DYNC1I1: variants seen among roughly 807,000 people sequenced by gnomAD.
DYNC1I1 encodes the protein cytoplasmic dynein 1 intermediate chain 1.
Under a neutral mutation model 86.6 loss-of-function variants are expected in DYNC1I1, and 43 were observed. That is an observed-to-expected ratio of 0.50 (90% confidence interval 0.39 to 0.64). The LOEUF (loss-of-function observed/expected upper bound fraction) is 0.64, where lower values mean the gene tolerates loss of function less well. DYNC1I1 is among the 30% of genes least tolerant of loss of function. The pLI, the probability that DYNC1I1 is intolerant of heterozygous loss-of-function variation, is 0.00. For synonymous variants in DYNC1I1, 262 were observed against 283.7 expected, an observed-to-expected ratio of 0.92 and a Z score of 0.77; for missense variants, 604 against 788.8, an observed-to-expected ratio of 0.77 and a Z score of 2.81.
chr7:96,106,299 G>A (rs1358665563), intron 16 of DYNC1I1, among the ~76,000 whole-genome samples: 2 of 152,040 alleles, frequency 1.3e-5, no homozygotes, highest in African/African-American at 2.4e-5. Context: ...TTGGGAGGCC[G>A]AGGCAGGTGG....
At chr7:96,031,146 A>T (rs887084301) in intron 11 of DYNC1I1, among the ~76,000 whole-genome samples, 3 of 152,164 alleles carry the variant, frequency 2.0e-5, no homozygotes, top group African/African-American at 7.2e-5. Flanking sequence ...ATTCAATGCT[A>T]CCCAGGTTTC....
In DYNC1I1 at chr7:96,106,441, A is replaced by G. The variant is rs371214894; in HGVS notation, c.1543-3538A>G. ...TCCCAGCTACTCGGGAGGCTTAGGC[A>G]GGAGAATCGCTTCAACTCCAGAGGC... On this transcript the variant is annotated intron_variant, in intron 16 of 16. Transcript: ENST00000537881. 7.9e-5 allele frequency among the ~76,000 whole-genome samples: 12 copies of G among 152,142 alleles called. No individual in the cohort carries two copies. The East Asian group carries it at 1.7e-3, about 22-fold the overall frequency.
chr7:96,032,920 C>T, intron 12 of DYNC1I1, 140 bp downstream of exon 12: 1 of 646,476 alleles, frequency 1.5e-6, no homozygotes, highest in Non-Finnish European at 2.6e-6. Flanking sequence ...GTGGGGCCTG[C>T]TTTCAGCAAT....
intron 5 of DYNC1I1, among the ~76,000 whole-genome samples, chr7:95,841,437 AAAAT>A (rs766749777): frequency 0.11 from 16,277 of 152,132 alleles, 988 homozygotes; most frequent in African/African-American, 0.16. Flanking sequence ...GCATTTTGGT[AAAAT>A]AAGCTGGCAG....
chr7:95,792,145 G>A (rs1794319656), intron 1 of DYNC1I1, among the ~76,000 whole-genome samples: 2 of 152,204 alleles, frequency 1.3e-5, no homozygotes, highest in African/African-American at 4.8e-5. Context: ...TGTCTTAAGA[G>A]CTTTAAGTCT....
At chr7:95,994,258 G>T (rs960990093) in intron 9 of DYNC1I1, among the ~76,000 whole-genome samples, 5 of 152,102 alleles carry the variant, frequency 3.3e-5, no homozygotes, top group Non-Finnish European at 7.3e-5. Flanking sequence ...AATTGACCCT[G>T]GATTCAGAGG....
At chr7:96,006,947 C>T (rs319316) in intron 10 of DYNC1I1, among the ~76,000 whole-genome samples, 1,524 of 152,266 alleles carry the variant, frequency 0.01, 27 homozygotes, top group African/African-American at 0.035. Context: ...GTGATTCAAT[C>T]ATTACACATT....
intron 5 of DYNC1I1, among the ~76,000 whole-genome samples, chr7:95,830,348 T>A (rs1795293670): frequency 6.6e-6 from 1 of 151,704 alleles, no homozygotes; most frequent in Non-Finnish European, 1.5e-5. Context: ...TCATGCCCCT[T>A]TGTTATCTAC....
chr7:95,862,060 A>G (rs1055644535), intron 5 of DYNC1I1, among the ~76,000 whole-genome samples: 13 of 152,194 alleles, frequency 8.5e-5, no homozygotes, highest in African/African-American at 3.1e-4. Flanking sequence ...AAAATAGAAC[A>G]CAGACATAAA....
At chr7:96,046,635 A>G (rs1333990711) in intron 14 of DYNC1I1, among the ~76,000 whole-genome samples, 1 of 152,224 alleles carries the variant, frequency 6.6e-6, no homozygotes, top group East Asian at 1.9e-4. Flanking sequence ...CAAGAAGCCC[A>G]GTTGTAAGTC....
chr7:95,939,099 G>C (rs1792129022), intron 6 of DYNC1I1, among the ~76,000 whole-genome samples: 1 of 152,114 alleles, frequency 6.6e-6, no homozygotes, highest in African/African-American at 2.4e-5. Flanking sequence ...CCATGTAGTT[G>C]AGTGGTTTTG....
rs1302773650 is a variant in DYNC1I1, at chr7:96,097,952, G to A, written c.*359G>A. ...CATAGTCCTATTAAATCCATATGAA[G>A]CCAGATATGATTGGGTGCAGATGTG... On this transcript the variant is annotated 3_prime_UTR_variant, in exon 17 of 17. Transcript: ENST00000447467. The A allele has an allele frequency of 2.0e-6, 2 of 1,014,704 alleles. No homozygotes were observed. The highest frequency in any genetic ancestry group is 5.3e-5 in the Admixed American group (1 of 18,716). 62.9% of individuals were successfully genotyped at this position (1,014,704 alleles called of 1,614,324 possible).
At chr7:95,905,607 T>C (rs950117718) in intron 6 of DYNC1I1, among the ~76,000 whole-genome samples, 2 of 152,132 alleles carry the variant, frequency 1.3e-5, no homozygotes, top group Admixed American at 1.3e-4. Flanking sequence ...GGGTTTATCC[T>C]CCATTTTATT....
At chr7:95,988,945 T>A (rs952160285) in intron 9 of DYNC1I1, among the ~76,000 whole-genome samples, 12 of 152,094 alleles carry the variant, frequency 7.9e-5, no homozygotes, top group African/African-American at 2.9e-4. Flanking sequence ...TAGGGTATGG[T>A]ATAGTGGGGA....
intron 6 of DYNC1I1, among the ~76,000 whole-genome samples, chr7:95,957,569 T>C (rs1792750231): frequency 6.6e-6 from 1 of 152,130 alleles, no homozygotes; most frequent in South Asian, 2.1e-4. Context: ...CTCCCATCCA[T>C]CAGAAGAAGG....
chr7:96,099,961 CATAAG>C (rs1469080123), downstream of DYNC1I1, among the ~76,000 whole-genome samples: 1 of 152,116 alleles, frequency 6.6e-6, no homozygotes, highest in African/African-American at 2.4e-5. Flanking sequence ...GTCATGTAGA[CATAAG>C]AGAAATACAC....
chr7:95,831,521 T>C (rs2115944868), intron 5 of DYNC1I1, among the ~76,000 whole-genome samples: 2 of 152,314 alleles, frequency 1.3e-5, no homozygotes, highest in Middle Eastern at 3.4e-3. Flanking sequence ...TAGATATATA[T>C]GTCCAGAAAA....
chr7:96,054,755 C>A (rs1789519415), intron 14 of DYNC1I1, among the ~76,000 whole-genome samples: 1 of 152,204 alleles, frequency 6.6e-6, no homozygotes, highest in African/African-American at 2.4e-5. Flanking sequence ...TTGTTGGCCA[C>A]ATAAATGTCT....
chr7:95,875,574 C>G (rs1053822227), intron 6 of DYNC1I1, among the ~76,000 whole-genome samples: 1 of 152,202 alleles, frequency 6.6e-6, no homozygotes, highest in Non-Finnish European at 1.5e-5. Context: ...ATCTGCATCT[C>G]TCTCTGAGAT....
Sources: gnomAD v4.1 joint callset for allele counts (sites outside exome capture counted in the v4.1 genomes callset) on GRCh38, gnomAD v4.1.1 for gene constraint, MANE v1.5 for transcripts, NCBI Gene and HGNC (gene_info 2026-07-23, HGNC 2026-07-21) for gene names.